Variants in COQ4 observed in about 807,000 individuals in gnomAD.
COQ4 encodes the protein coenzyme Q4.
Under a neutral mutation model 30.2 loss-of-function variants are expected in COQ4, and 36 were observed. The ratio of observed to expected loss-of-function variants is 1.19; its 90% CI spans 0.91 to 1.57. COQ4 has a LOEUF of 1.57. COQ4 is among the 40% of genes most tolerant of loss of function. The pLI, the probability that COQ4 is intolerant of heterozygous loss-of-function variation, is 0.00. For missense variants in COQ4, 369 were observed against 371.9 expected, an observed-to-expected ratio of 0.99 and a Z score of 0.07; for synonymous variants, 197 against 161.0, an observed-to-expected ratio of 1.22 and a Z score of -1.69.
chr9:128,332,156 G>A lies in COQ4; in HGVS notation c.406G>A (p.Val136Ile). The change falls in exon 5 of 7, where the codon GTC becomes ATC. Residue 136 changes from valine (V) to isoleucine (I), a missense_variant. By Grantham distance (29) the Val-to-Ile change is conservative. Transcript: ENST00000300452. The stretch of plus-strand genomic sequence containing the variant: ...AGGGGAGGCTCATGGTTGTCAGAGG[G>A]TCTCCCCAGACACCCGAGCACCCAC... Reference protein sequence around the residue: ...EYLRFLDVNRVSPDTRAPTRF... With the variant: ...EYLRFLDVNRISPDTRAPTRF... The A allele has an allele frequency of 6.4e-7, 1 of 1,565,074 alleles. No individual in the cohort carries two copies.
At chr9:128,325,637 C>G in intron 3 of COQ4, 142 bp from the exon 4 acceptor site, 1 of 659,012 alleles carries the variant, frequency 1.5e-6, no homozygotes, top group Non-Finnish European at 2.7e-6. Flanking sequence ...TGACACTAGC[C>G]TGGCCAGTTG....
Position 128,323,020 on chromosome 9 carries a change from GC to G in COQ4, c.79del (p.Leu27SerfsTer47), listed in dbSNP as rs34074189. The G allele has an allele frequency of 6.2e-7, 1 of 1,611,686 alleles. No homozygotes were observed. Among genetic ancestry groups the G allele is most frequent in the Middle Eastern group, 1.7e-4 (1 of 6,058 alleles). On this transcript the variant is annotated frameshift_variant, in exon 2 of 7. Coordinates refer to ENST00000300452, the MANE Select transcript of COQ4 (RefSeq NM_016035.5). LOFTEE classifies it high-confidence loss of function. Reference protein sequence around the residue: ...PGLQRPAAEMPLRARSDGAGP... With the variant: ...PGLQRPAAEMXLRARSDGAGP... ...GGCCTTTTTCTTGCCCCGCAGAAAT[GC>G]CCCTCCGGGCTAGGAGCGACGGCGC...
intron 4 of COQ4, among the ~76,000 whole-genome samples, chr9:128,330,088 C>T (rs978746681): frequency 2.6e-5 from 4 of 151,848 alleles, no homozygotes; most frequent in Admixed American, 6.6e-5. Flanking sequence ...AAAATGTGAT[C>T]GGCTGGGCAC....
intron 2 of COQ4, chr9:128,323,348 G>A: frequency 1.7e-6 from 1 of 589,466 alleles, no homozygotes; most frequent in Non-Finnish European, 2.9e-6. Context: ...AGAAATGGGC[G>A]TGAAACCGAA....
Position 128,325,143 on chromosome 9 carries a change from A to G in COQ4, c.203A>G (p.Asp68Gly). Reference protein sequence around the residue: ...AMALYNPYRHDMVAVLGETTG... With the variant: ...AMALYNPYRHGMVAVLGETTG... ...TTTGTGCCCGTTTCTGTCCTTTCAG[A>G]CATGGTCGCAGTTCTAGGGGAGACC... is the stretch of plus-strand genomic sequence containing the variant. Residue 68 changes from aspartate (D) to glycine (G), a missense_variant and splice_region_variant, in exon 3 of 7, where the codon GAC (aspartate) becomes GGC (glycine). Coordinates refer to ENST00000300452, the MANE Select transcript of COQ4 (RefSeq NM_016035.5). The G allele has an allele frequency of 6.2e-7, 1 of 1,612,356 alleles. No homozygotes were observed. The highest frequency in any genetic ancestry group is 8.5e-7 in the Non-Finnish European group (1 of 1,178,766).
intron 2 of COQ4, among the ~76,000 whole-genome samples, chr9:128,323,868 C>T (rs529834724): frequency 3.8e-4 from 58 of 152,304 alleles, no homozygotes; most frequent in African/African-American, 1.2e-3. Flanking sequence ...CCATTTGAGC[C>T]GGGGAGTTCG....
Position 128,333,562 on chromosome 9 carries a change from C to T in COQ4, c.715C>T (p.Arg239Trp), listed in dbSNP as rs1351636595. 4.3e-6 allele frequency: 7 copies of T among 1,610,376 alleles called. No individual in the cohort carries two copies. Among genetic ancestry groups the T allele is most frequent in the Non-Finnish European group, 5.9e-6 (7 of 1,178,464 alleles). Residue 239 changes from arginine to tryptophan, a missense_variant, in exon 7 of 7, where the codon CGG (arginine) becomes TGG (tryptophan). Physicochemically the swap from Arg to Trp is moderately radical, Grantham distance 101. Transcript: ENST00000300452. ...APCVLNLYYERRWEQSLRALR... is the reference protein window; with the variant it reads ...APCVLNLYYEWRWEQSLRALR... ...ATGTGTCCTCAACCTGTACTATGAGCGGCGCTGGGAGCAGTCCCTGAGGGC... is the reference window on the plus strand; with the variant it reads ...ATGTGTCCTCAACCTGTACTATGAGTGGCGCTGGGAGCAGTCCCTGAGGGC...
chr9:128,323,022 C>T lies in COQ4; in HGVS notation c.77C>T (p.Pro26Leu), dbSNP rs1446483595. 5 of 1,611,782 alleles carry T rather than the reference C, an allele frequency of 3.1e-6. No individual in the cohort carries two copies. Among genetic ancestry groups the T allele is most frequent in the Non-Finnish European group, 4.2e-6 (5 of 1,179,768 alleles). Residue 26 changes from proline to leucine, a missense_variant, in exon 2 of 7, where the codon CCC (proline) becomes CTC (leucine). Coordinates refer to ENST00000300452, the MANE Select transcript of COQ4 (RefSeq NM_016035.5). ...PGLQRPAAEMPLRARSDGAGP... is the reference protein window; with the variant it reads ...PGLQRPAAEMLLRARSDGAGP... ...CCTTTTTCTTGCCCCGCAGAAATGC[C>T]CCTCCGGGCTAGGAGCGACGGCGCC... is the stretch of plus-strand genomic sequence containing the variant.
At chr9:128,323,504 T>G (rs1391841988) in intron 2 of COQ4, 2 of 448,092 alleles carry the variant, frequency 4.5e-6, no homozygotes, top group African/African-American at 4.1e-5. Flanking sequence ...TCTGCCTCGT[T>G]CCACTGCATC....
chr9:128,330,606 G>A (rs889421274), intron 4 of COQ4: 2 of 151,514 alleles, frequency 1.3e-5, no homozygotes, highest in African/African-American at 4.8e-5. Flanking sequence ...CAATTCTCTT[G>A]TCTCAGCCTC....
chr9:128,326,117 C>T (rs1285302836), intron 4 of COQ4: 11 of 578,824 alleles, frequency 1.9e-5, no homozygotes, highest in Non-Finnish European at 6.1e-6. Flanking sequence ...TGATGCCAGC[C>T]TCATCCGTGA....
In COQ4 at chr9:128,322,853, G is replaced by T. The variant is rs1239485507; in HGVS notation, c.-6G>T. 1.3e-6 allele frequency: 2 copies of T among 1,550,092 alleles called. No homozygotes were observed. The highest frequency in any genetic ancestry group is 2.4e-5 in the East Asian group (1 of 41,504). ...ACCCGCCCATCCTCCGCGGACGCCC[G>T]CTGCCATGGCGACTCTGCTGCGCCC... On this transcript the variant is annotated 5_prime_UTR_variant, in exon 1 of 7. Transcript: ENST00000300452.
intron 4 of COQ4, among the ~76,000 whole-genome samples, chr9:128,327,445 A>G (rs2131226942): frequency 6.6e-6 from 1 of 152,232 alleles, no homozygotes; most frequent in South Asian, 2.1e-4. Flanking sequence ...TCTGTCTCCA[A>G]CAAAACAAAA....
chr9:128,323,247 A>T, intron 2 of COQ4, 100 bp downstream of exon 2: 1 of 1,172,264 alleles, frequency 8.5e-7, no homozygotes, highest in Non-Finnish European at 1.2e-6. Flanking sequence ...ACCTGGTTGC[A>T]GCTCGTAACC....
At chr9:128,323,397 G>A (rs1362388744) in intron 2 of COQ4, 3 of 551,906 alleles carry the variant, frequency 5.4e-6, no homozygotes, top group Non-Finnish European at 9.5e-6. Context: ...CTGTCATGCA[G>A]CCATATTGAG....
Position 128,332,129 on chromosome 9 carries a change from C to T in COQ4, c.403-24C>T, listed in dbSNP as rs552321258. 10 of 1,553,850 alleles carry T rather than the reference C, an allele frequency of 6.4e-6. No homozygotes were observed. The South Asian group carries it at 1.1e-4, about 17-fold the overall frequency. ...GCCCTGGGAACCATCAGGAAGGGTT[C>T]TAGGGGAGGCTCATGGTTGTCAGAG... is the stretch of plus-strand genomic sequence containing the variant. On this transcript the variant is annotated intron_variant, in intron 4 of 6. Transcript: ENST00000300452.
chr9:128,322,997 C>T lies in COQ4; in HGVS notation c.71-19C>T, dbSNP rs773377241. 2.5e-6 allele frequency: 4 copies of T among 1,610,308 alleles called. No homozygotes were observed. In the East Asian group the frequency reaches 6.7e-5, roughly 27 times the overall value. ...GGGCGCCCGGCTCCTCTGACCTCGGCCTTTTTCTTGCCCCGCAGAAATGCC... is the reference window on the plus strand; with the variant it reads ...GGGCGCCCGGCTCCTCTGACCTCGGTCTTTTTCTTGCCCCGCAGAAATGCC... On this transcript the variant is annotated intron_variant, in intron 1 of 6. Transcript: ENST00000300452.
At chr9:128,329,796 C>T (rs1832376738) in intron 4 of COQ4, among the ~76,000 whole-genome samples, 1 of 152,224 alleles carries the variant, frequency 6.6e-6, no homozygotes, top group Non-Finnish European at 1.5e-5. Flanking sequence ...TGATCACCTT[C>T]AGCTTCACAC....
chr9:128,333,433 C>A, intron 6 of COQ4, 41 bp from the exon 7 acceptor site: 1 of 1,471,584 alleles, frequency 6.8e-7, no homozygotes, highest in Non-Finnish European at 9.0e-7. Flanking sequence ...GTGCCTGGCC[C>A]CAGGGACTTG....
Sources: allele counts gnomAD v4.1 joint callset (sites outside exome capture counted in the v4.1 genomes callset), GRCh38; gene constraint gnomAD v4.1.1; transcripts MANE v1.5; gene names NCBI Gene and HGNC (gene_info 2026-07-23, HGNC 2026-07-21).